G3BP2: variants seen among roughly 807,000 people sequenced by gnomAD.
G3BP2 encodes ras GTPase-activating protein-binding protein 2.
In G3BP2, 11 loss-of-function variants were observed where a neutral mutation model predicts 56.7. The observed-to-expected ratio is 0.19, with a 90% CI of 0.12 to 0.32. G3BP2 has a LOEUF of 0.32. Among genes scored for constraint, G3BP2 ranks in the 10% least tolerant of loss-of-function variants. The pLI is 1.00. For missense variants in G3BP2, 340 were observed against 610.9 expected (o/e 0.56, Z 4.67); for synonymous variants, 165 against 191.6 (o/e 0.86, Z 1.15).
chr4:75,658,730 A>G (rs1732313095), intron 3 of G3BP2, 113 bp downstream of exon 3: 1 of 764,804 alleles, frequency 1.3e-6, no homozygotes. Flanking sequence ...TCCGTCTCAA[A>G]AAAAAAAGAG....
At chr4:75,716,663 G>T (rs1192559370) in intron 3 of G3BP2, among the ~76,000 whole-genome samples, 1 of 152,086 alleles carries the variant, frequency 6.6e-6, no homozygotes, top group Non-Finnish European at 1.5e-5. Flanking sequence ...TTACAGGCAT[G>T]CACCACCATG....
chr4:75,700,972 G>A (rs932832131), intron 3 of G3BP2, among the ~76,000 whole-genome samples: 2 of 151,890 alleles, frequency 1.3e-5, no homozygotes, highest in African/African-American at 4.8e-5. Flanking sequence ...CGGAGTAGCT[G>A]GGATTACAGG....
intron 6 of G3BP2, 144 bp from the exon 7 acceptor site, chr4:75,655,390 G>A (rs1425164780): frequency 3.1e-6 from 2 of 648,856 alleles, no homozygotes; most frequent in Admixed American, 3.1e-5. Context: ...ATTCCAAAAA[G>A]AGCTATAAGA....
chr4:75,663,000 TAGAG>T lies in G3BP2; in HGVS notation c.-24-955_-24-952del, dbSNP rs895827274. ...AATCACCAGCTATAACTTCAGTACTTAGAGAGAATCATTTTTTACCTTTGATATT... is the reference window on the plus strand; with the variant it reads ...AATCACCAGCTATAACTTCAGTACTTAGAATCATTTTTTACCTTTGATATT... On this transcript the variant is annotated intron_variant, in intron 1 of 11. Transcript: ENST00000359707. 1.1e-4 allele frequency among the ~76,000 whole-genome samples: 16 copies of T among 152,346 alleles called. No homozygotes were observed. The East Asian group carries it at 1.3e-3, about 13-fold the overall frequency.
intron 8 of G3BP2, among the ~76,000 whole-genome samples, chr4:75,652,979 T>A (rs1017477329): frequency 6.6e-6 from 1 of 152,164 alleles, no homozygotes; most frequent in African/African-American, 2.4e-5. Flanking sequence ...AGTTATTTAT[T>A]GGGTCTTCAT....
chr4:75,683,154 G>C (rs1023912767), intron 3 of G3BP2, among the ~76,000 whole-genome samples: 2 of 152,146 alleles, frequency 1.3e-5, no homozygotes, highest in Non-Finnish European at 2.9e-5. Context: ...TCCTTGTAGA[G>C]TCTAGACTAG....
At chr4:75,676,374 G>A (rs908390438), upstream of G3BP2, among the ~76,000 whole-genome samples, 4 of 121,208 alleles carry the variant, frequency 3.3e-5, no homozygotes, top group South Asian at 2.5e-4. Context: ...ATGGAGTCTC[G>A]CTCTGTCATC....
chr4:75,662,282 G>A (rs1292049065), intron 1 of G3BP2: 1 of 288,590 alleles, frequency 3.5e-6, no homozygotes, highest in Non-Finnish European at 6.5e-6. Context: ...GAGTGCAATG[G>A]CGCAATCTCA....
chr4:75,713,964 T>C (rs1345132082), intron 3 of G3BP2, among the ~76,000 whole-genome samples: 1 of 152,186 alleles, frequency 6.6e-6, no homozygotes, highest in Non-Finnish European at 1.5e-5. Flanking sequence ...TGACCAATAC[T>C]GTACTCTCCA....
chr4:75,687,719 C>T (rs1718671084), intron 3 of G3BP2, among the ~76,000 whole-genome samples: 1 of 152,172 alleles, frequency 6.6e-6, no homozygotes, highest in Non-Finnish European at 1.5e-5. Flanking sequence ...AATAACTTAA[C>T]CATGCCCTGA....
chr4:75,692,977 T>C (rs2149083766), intron 3 of G3BP2, among the ~76,000 whole-genome samples: 1 of 152,338 alleles, frequency 6.6e-6, no homozygotes, highest in South Asian at 2.1e-4. Context: ...CCAGGCGCGG[T>C]GGCTCACTCC....
chr4:75,721,232 C>T (rs1334546210), intron 2 of G3BP2, among the ~76,000 whole-genome samples: 2 of 151,244 alleles, frequency 1.3e-5, no homozygotes, highest in East Asian at 1.9e-4. Context: ...TGAGCCACCT[C>T]GCCCAGCCTC....
At chr4:75,689,473 TTATAA>T (rs1718761678) in intron 3 of G3BP2, among the ~76,000 whole-genome samples, 1 of 152,234 alleles carries the variant, frequency 6.6e-6, no homozygotes, top group African/African-American at 2.4e-5. Flanking sequence ...TGTCAAATGT[TTATAA>T]TATATTGTGA....
chr4:75,691,268 C>T (rs970033256), intron 3 of G3BP2, among the ~76,000 whole-genome samples: 1 of 152,072 alleles, frequency 6.6e-6, no homozygotes, highest in Non-Finnish European at 1.5e-5. Context: ...TTAGTAGAGA[C>T]CGCATTTTGC....
intron 3 of G3BP2, among the ~76,000 whole-genome samples, chr4:75,708,044 T>C (rs57008925): frequency 0.15 from 22,977 of 152,154 alleles, 2,403 homozygotes; most frequent in African/African-American, 0.29. Flanking sequence ...TTACTTACTG[T>C]GCTGTGTGCT....
At chr4:75,667,252 G>A (rs767241127) in intron 1 of G3BP2, among the ~76,000 whole-genome samples, 9 of 146,332 alleles carry the variant, frequency 6.2e-5, no homozygotes, top group East Asian at 2.1e-4. Flanking sequence ...TGGCACCACC[G>A]CACTCAAACC....
chr4:75,720,350 A>G (rs1318638542), intron 3 of G3BP2, among the ~76,000 whole-genome samples: 1 of 150,974 alleles, frequency 6.6e-6, no homozygotes, highest in African/African-American at 2.4e-5. Flanking sequence ...AAAATACAAA[A>G]AATTAGCCGG....
intron 3 of G3BP2, among the ~76,000 whole-genome samples, chr4:75,709,574 T>C (rs1416785690): frequency 6.6e-6 from 1 of 150,660 alleles, no homozygotes; most frequent in African/African-American, 2.4e-5. Context: ...ATCATGCCAC[T>C]GCACTCCAGC....
intron 3 of G3BP2, among the ~76,000 whole-genome samples, chr4:75,690,696 C>A (rs1205112057): frequency 2.6e-5 from 4 of 152,028 alleles, no homozygotes; most frequent in African/African-American, 7.3e-5. Context: ...CTCAGCCTCT[C>A]GAGTACCTGG....
Sources: allele counts gnomAD v4.1 joint callset (sites outside exome capture counted in the v4.1 genomes callset), GRCh38; gene constraint gnomAD v4.1.1; transcripts MANE v1.5; gene names NCBI Gene and HGNC (gene_info 2026-07-23, HGNC 2026-07-21).